Variants in B4GALT6 observed in about 807,000 individuals in gnomAD.
B4GALT6 encodes beta-1,4-galactosyltransferase 6.
A neutral mutation model predicts 46.3 loss-of-function variants in B4GALT6; 14 were observed. The observed-to-expected ratio is 0.30, with a 90% CI of 0.20 to 0.47. The LOEUF is 0.47. Ranked by LOEUF, B4GALT6 falls within the 20% of genes least tolerant of loss-of-function variation. B4GALT6 has a pLI of 0.99. For synonymous variants in B4GALT6, 168 were observed against 162.0 expected (o/e 1.04, Z -0.28); for missense variants, 386 against 480.1 (o/e 0.80, Z 1.83).
intron 1 of B4GALT6, among the ~76,000 whole-genome samples, chr18:31,675,036 T>G (rs2074400404): frequency 6.6e-6 from 1 of 152,298 alleles, no homozygotes; most frequent in South Asian, 2.1e-4. Flanking sequence ...GAGCCCCACT[T>G]TATCAAACAA....
At chr18:31,684,605 T>G (rs2074521383), upstream of B4GALT6, 1 of 1,241,766 alleles carries the variant, frequency 8.1e-7, no homozygotes, top group South Asian at 1.7e-5. Context: ...GCGGACGGAA[T>G]GAATGGGAGG....
chr18:31,684,564 G>A lies in B4GALT6; in HGVS notation c.-138C>T. The A allele has an allele frequency of 6.9e-7, 1 of 1,441,538 alleles. No individual in the cohort carries two copies. Among genetic ancestry groups the A allele is most frequent in the East Asian group, 2.7e-5 (1 of 37,408 alleles). 89.3% of individuals were successfully genotyped at this position (1,441,538 alleles called of 1,614,324 possible). On this transcript the variant is annotated 5_prime_UTR_variant, in exon 1 of 9. Coordinates refer to ENST00000306851, the MANE Select transcript of B4GALT6 (RefSeq NM_004775.5). ...CCGCGCGGGGAGGCTCTGGGGAGAG[G>A]GCCCGAGCGGAAAAGAGGAAATGGG... is the stretch of plus-strand genomic sequence containing the variant.
chr18:31,656,935 C>T (rs1393632685), intron 3 of B4GALT6, among the ~76,000 whole-genome samples: 1 of 152,152 alleles, frequency 6.6e-6, no homozygotes, highest in Non-Finnish European at 1.5e-5. Flanking sequence ...CTTACTCAAA[C>T]CCACCAGGAA....
the B4GALT6 span, among the ~76,000 whole-genome samples, chr18:31,712,460 G>A: frequency 4.6e-5 from 7 of 151,532 alleles, no homozygotes; most frequent in African/African-American, 1.5e-4. Context: ...CCACCACCAC[G>A]CCCAGATAAT....
intron 3 of B4GALT6, among the ~76,000 whole-genome samples, chr18:31,646,115 C>T (rs2073987712): frequency 6.6e-6 from 1 of 152,234 alleles, no homozygotes; most frequent in African/African-American, 2.4e-5. Context: ...TACCTACTGA[C>T]ATTTCTTAAG....
At chr18:31,683,968 A>G (rs1416444249) in intron 1 of B4GALT6, among the ~76,000 whole-genome samples, 1 of 152,236 alleles carries the variant, frequency 6.6e-6, no homozygotes, top group African/African-American at 2.4e-5. Flanking sequence ...TTAAGCACTC[A>G]GTTTAGGCTT....
intron 6 of B4GALT6, among the ~76,000 whole-genome samples, chr18:31,629,712 T>C (rs932767608): frequency 6.7e-6 from 1 of 149,934 alleles, no homozygotes; most frequent in Non-Finnish European, 1.5e-5. Flanking sequence ...TAGCCAGGCG[T>C]GGTGGCAGGC....
In B4GALT6 at chr18:31,652,059, G is replaced by T. The variant is rs187606383; in HGVS notation, c.346+5917C>A. 3.3e-5 allele frequency among the ~76,000 whole-genome samples: 5 copies of T among 151,924 alleles called. 1 individual carries two copies. Among genetic ancestry groups the T allele is most frequent in the South Asian group, 4.2e-4 (2 of 4,818 alleles). On this transcript the variant is annotated intron_variant, in intron 3 of 8. Transcript: ENST00000306851. The stretch of plus-strand genomic sequence containing the variant: ...TGCTGGGATTACAGGCGTGAGCCAC[G>T]GCGCCCGGCCTCTTCTCTCCATCCT...
intron 5 of B4GALT6, among the ~76,000 whole-genome samples, chr18:31,634,855 T>C (rs2144527198): frequency 6.6e-6 from 1 of 152,176 alleles, no homozygotes; most frequent in South Asian, 2.1e-4. Flanking sequence ...ACTTAAAAGG[T>C]TTGAAAATAA....
chr18:31,656,283 A>T (rs1424901589), intron 3 of B4GALT6, among the ~76,000 whole-genome samples: 1 of 152,206 alleles, frequency 6.6e-6, no homozygotes, highest in Non-Finnish European at 1.5e-5. Context: ...AAAAACACAG[A>T]TACAAAATAC....
the B4GALT6 span, among the ~76,000 whole-genome samples, chr18:31,705,753 A>T: frequency 1.3e-5 from 2 of 152,218 alleles, no homozygotes; most frequent in Non-Finnish European, 2.9e-5. Context: ...GACTCTGTGG[A>T]ATTTTATGGT....
At chr18:31,679,465 AG>A (rs547526672) in intron 1 of B4GALT6, among the ~76,000 whole-genome samples, 358 of 152,342 alleles carry the variant, frequency 2.3e-3, no homozygotes, top group South Asian at 6.0e-3. Flanking sequence ...TAACAAAGCT[AG>A]GGAGTGAGAA....
intron 5 of B4GALT6, 54 bp from the exon 6 acceptor site, chr18:31,631,200 C>CTTTTT (rs10657836): frequency 5.7e-5 from 65 of 1,148,452 alleles, no homozygotes; most frequent in African/African-American, 4.2e-4. Context: ...ACTTCATCAT[C>CTTTTT]TTTTTTTTTT....
intron 2 of B4GALT6, among the ~76,000 whole-genome samples, chr18:31,661,165 A>G (rs777398411): frequency 3.9e-5 from 6 of 152,232 alleles, no homozygotes; most frequent in Non-Finnish European, 7.3e-5. Context: ...CATTATCTAC[A>G]TTCTCTTAAC....
At chr18:31,722,180 C>T in the B4GALT6 span, among the ~76,000 whole-genome samples, 1 of 151,970 alleles carries the variant, frequency 6.6e-6, no homozygotes, top group African/African-American at 2.4e-5. Context: ...TTCCTGTATT[C>T]TTTTATAGAA....
chr18:31,710,234 C>T, the B4GALT6 span, among the ~76,000 whole-genome samples: 1 of 151,972 alleles, frequency 6.6e-6, no homozygotes, highest in Non-Finnish European at 1.5e-5. Flanking sequence ...AAAATAGACA[C>T]CAAGTAAGTG....
the B4GALT6 span, among the ~76,000 whole-genome samples, chr18:31,698,599 C>G: frequency 6.6e-6 from 1 of 151,552 alleles, no homozygotes; most frequent in Non-Finnish European, 1.5e-5. Flanking sequence ...CCACTGCACT[C>G]CAGCCTGGGC....
Position 31,666,392 on chromosome 18 carries a change from A to G in B4GALT6, c.116-20T>C, listed in dbSNP as rs1238644724. 1 of 1,261,386 alleles carries G rather than the reference A, an allele frequency of 7.9e-7. No homozygotes were observed. Among genetic ancestry groups the G allele is most frequent in the Non-Finnish European group, 1.1e-6 (1 of 879,772 alleles). 78.1% of individuals were successfully genotyped at this position (1,261,386 alleles called of 1,614,324 possible). A position where few individuals can be genotyped will look rare whatever the true frequency, so the allele number is the denominator to read the frequency against. ...TGTTGGCTATAAAAGAAAAATAGAG[A>G]AAGAATGTCATAACACAGTAAGCTT... On this transcript the variant is annotated intron_variant, in intron 1 of 8. Transcript: ENST00000306851.
intron 1 of B4GALT6, among the ~76,000 whole-genome samples, chr18:31,683,538 G>A (rs1023759445): frequency 1.3e-5 from 2 of 152,166 alleles, no homozygotes; most frequent in Non-Finnish European, 2.9e-5. Flanking sequence ...GGGGGACGAG[G>A]AATTCGGATA....
Sources: allele counts gnomAD v4.1 joint callset (sites outside exome capture counted in the v4.1 genomes callset), GRCh38; gene constraint gnomAD v4.1.1; transcripts MANE v1.5; gene names NCBI Gene and HGNC (gene_info 2026-07-23, HGNC 2026-07-21).